Variants in ZNF536 observed in about 807,000 individuals in gnomAD.
The protein encoded by ZNF536 is zinc finger protein 536.
ZNF536 carries 13 observed loss-of-function variants against 84.5 expected under a neutral mutation model. The ratio of observed to expected loss-of-function variants is 0.15; its 90% CI spans 0.10 to 0.24. The LOEUF is 0.24. ZNF536 is among the 10% of genes least tolerant of loss of function. The pLI is 1.00. For synonymous variants in ZNF536, 811 were observed against 742.5 expected (o/e 1.09, Z -1.50); for missense variants, 1,536 against 1,747.5 (o/e 0.88, Z 2.16).
chr19:30,451,294 C>T (rs2052596328), intron 2 of ZNF536, among the ~76,000 whole-genome samples: 1 of 152,394 alleles, frequency 6.6e-6, no homozygotes, highest in South Asian at 2.1e-4. Context: ...GATGCTGGTT[C>T]ATGTGCGGCT....
In ZNF536 at chr19:30,686,407, T is replaced by A. The variant is rs145396869; in HGVS notation, c.170-24350T>A. Among the ~76,000 whole-genome samples the A allele has an allele frequency of 8.5e-5, 13 of 152,340 alleles. No homozygotes were observed. The East Asian group carries it at 2.3e-3, about 27-fold the overall frequency. On this transcript the variant is annotated intron_variant, in intron 1 of 1. Coordinates refer to the ZNF536 transcript ENST00000592773. The stretch of plus-strand genomic sequence containing the variant: ...GATGGAGCCGCGGGCATCCCCGTTG[T>A]GTGTCCCCCACCCTGTGAGTGTGTA...
chr19:30,383,493 C>T (rs547732975), intron 1 of ZNF536, among the ~76,000 whole-genome samples: 2 of 152,224 alleles, frequency 1.3e-5, no homozygotes, highest in Admixed American at 6.5e-5. Context: ...ACTCTGCTAG[C>T]TGGATGTGGA....
At chr19:30,265,122 G>C (rs1009801517) in intron 1 of ZNF536, among the ~76,000 whole-genome samples, 67 of 152,238 alleles carry the variant, frequency 4.4e-4, no homozygotes, top group African/African-American at 1.6e-3. Context: ...CCTTCAGGGT[G>C]CTGGCTCTTC....
chr19:30,550,199 G>A (rs1424226549), intron 4 of ZNF536, among the ~76,000 whole-genome samples: 1 of 152,200 alleles, frequency 6.6e-6, no homozygotes, highest in Non-Finnish European at 1.5e-5. Context: ...GAACAGTAGT[G>A]GTGTGACCCT....
intron 1 of ZNF536, among the ~76,000 whole-genome samples, chr19:30,236,740 G>T (rs1243567046): frequency 1.3e-5 from 2 of 152,178 alleles, no homozygotes; most frequent in Non-Finnish European, 2.9e-5. Context: ...GCTCAGCCAG[G>T]GTCTGGTCAT....
intron 2 of ZNF536, among the ~76,000 whole-genome samples, chr19:30,510,516 G>A (rs1287182852): frequency 1.3e-5 from 2 of 152,204 alleles, no homozygotes; most frequent in East Asian, 3.9e-4. Context: ...GGCAGATTGG[G>A]CAGTGATAGC....
At chr19:30,476,393 A>C (rs1038803333) in intron 2 of ZNF536, among the ~76,000 whole-genome samples, 1 of 152,088 alleles carries the variant, frequency 6.6e-6, no homozygotes, top group Admixed American at 6.5e-5. Context: ...TAAGTAGGTA[A>C]ACAATTGTAG....
chr19:30,439,959 C>CTTTTTTTTTTTTTTTTTTTTTTTTTT (rs199638233), intron 1 of ZNF536, among the ~76,000 whole-genome samples: 1 of 96,396 alleles, frequency 1.0e-5, no homozygotes, highest in Non-Finnish European at 2.0e-5. Context: ...TTCTTTCTTT[C>CTTTTTTTTTTTTTTTTTTTTTTTTTT]TTTTTTTTTT....
chr19:30,631,165 C>T (rs759117566), intron 1 of ZNF536, among the ~76,000 whole-genome samples: 18 of 152,338 alleles, frequency 1.2e-4, no homozygotes, highest in Admixed American at 1.3e-4. Context: ...AACCAGGAGC[C>T]GGCCCTCCCC....
At chr19:30,280,989 T>C (rs1027503290) in intron 1 of ZNF536, among the ~76,000 whole-genome samples, 7 of 152,114 alleles carry the variant, frequency 4.6e-5, no homozygotes, top group African/African-American at 7.2e-5. Context: ...GCCTTGCCTG[T>C]GGAATTCACA....
intron 1 of ZNF536, among the ~76,000 whole-genome samples, chr19:30,265,375 C>A (rs1438132109): frequency 1.3e-5 from 2 of 152,188 alleles, no homozygotes; most frequent in Non-Finnish European, 2.9e-5. Context: ...CTTCCAACCT[C>A]CCGCTCCTGC....
intron 2 of ZNF536, among the ~76,000 whole-genome samples, chr19:30,294,555 G>A (rs1179334932): frequency 2.0e-4 from 18 of 87,938 alleles, no homozygotes; most frequent in African/African-American, 1.0e-3. Context: ...CAATATGTGT[G>A]TGTGTGTGTG....
chr19:30,303,001 G>T (rs1039606997), intron 2 of ZNF536, among the ~76,000 whole-genome samples: 2 of 152,210 alleles, frequency 1.3e-5, no homozygotes, highest in African/African-American at 4.8e-5. Context: ...CTGACATTGG[G>T]AGCTAGAATA....
intron 1 of ZNF536, among the ~76,000 whole-genome samples, chr19:30,599,623 C>T (rs1043527323): frequency 1.3e-5 from 2 of 151,960 alleles, no homozygotes; most frequent in Non-Finnish European, 2.9e-5. Context: ...CCAGCTCAGA[C>T]TTGTGTCACT....
At position 30,445,038 on chromosome 19, in the gene ZNF536, C is replaced by A; in HGVS notation, c.1476C>A (p.Leu492=). The A allele has an allele frequency of 6.2e-7, 1 of 1,613,390 alleles. No individual in the cohort carries two copies. Among genetic ancestry groups the A allele is most frequent in the Non-Finnish European group, 8.5e-7 (1 of 1,179,940 alleles). The change falls in exon 2 of 5, where the codon CTC becomes CTA. Residue 492 remains leucine, a synonymous_variant. Transcript: ENST00000355537. This position sits in a 1 kb window ranked among gnomAD's most constrained non-coding sequence, Gnocchi z 4.5. The part of the protein sequence containing the change: ...EGDKHSLLGC[L]NLVPPLKSSC... ...ACAAGCACTCCCTCCTGGGATGCCTCAATCTCGTGCCGCCGCTGAAATCCA... is the reference window on the plus strand; with the variant it reads ...ACAAGCACTCCCTCCTGGGATGCCTAAATCTCGTGCCGCCGCTGAAATCCA...
intron 1 of ZNF536, among the ~76,000 whole-genome samples, chr19:30,583,445 A>G (rs1475582309): frequency 1.3e-5 from 2 of 152,176 alleles, no homozygotes; most frequent in African/African-American, 4.8e-5. Context: ...GGTGACTAGC[A>G]GGCACTACAC....
At chr19:30,610,257 T>G (rs2048057749) in intron 1 of ZNF536, among the ~76,000 whole-genome samples, 1 of 152,224 alleles carries the variant, frequency 6.6e-6, no homozygotes, top group African/African-American at 2.4e-5. Context: ...TGGACCTAAA[T>G]GATAAATGCC....
At chr19:30,549,826 A>C (rs1214969022) in intron 4 of ZNF536, among the ~76,000 whole-genome samples, 1 of 152,220 alleles carries the variant, frequency 6.6e-6, no homozygotes, top group Non-Finnish European at 1.5e-5. Context: ...AAGGGGGGAA[A>C]ATCGACTTAC....
At chr19:30,447,934 G>A (rs1057261959) in intron 2 of ZNF536, among the ~76,000 whole-genome samples, 3 of 152,110 alleles carry the variant, frequency 2.0e-5, no homozygotes, top group Admixed American at 6.6e-5. Context: ...CGTGTTTACC[G>A]TGTTTTTCTC....
Sources: allele counts gnomAD v4.1 joint callset (sites outside exome capture counted in the v4.1 genomes callset), GRCh38; gene constraint gnomAD v4.1.1; non-coding constraint Gnocchi (gnomAD v3.1); transcripts MANE v1.5; gene names NCBI Gene and HGNC (gene_info 2026-07-23, HGNC 2026-07-21).